Variants in SNX27 observed in about 807,000 individuals in gnomAD.
SNX27 encodes the protein sorting nexin 27.
SNX27 carries 22 observed loss-of-function variants against 71.6 expected under a neutral mutation model. The ratio of observed to expected loss-of-function variants is 0.31; its 90% CI spans 0.22 to 0.44. SNX27 has a LOEUF of 0.44. SNX27 is among the 20% of genes least tolerant of loss of function. The probability of loss-of-function intolerance (pLI) is 1.00; values close to 1 mark genes in which losing one functional copy is unlikely to be tolerated. For missense variants in SNX27, 531 were observed against 698.6 expected (o/e 0.76, Z 2.70); for synonymous variants, 269 against 277.2 (o/e 0.97, Z 0.29).
intron 1 of SNX27, among the ~76,000 whole-genome samples, chr1:151,620,749 G>A (rs1667634812): frequency 6.6e-6 from 1 of 150,652 alleles, no homozygotes; most frequent in African/African-American, 2.4e-5. Flanking sequence ...GAGAGCAGTG[G>A]CACGATCTCG....
At chr1:151,693,668 C>T (rs905902255) in intron 11 of SNX27, 185 bp downstream of exon 11, 34 of 1,612,316 alleles carry the variant, frequency 2.1e-5, no homozygotes, top group African/African-American at 1.1e-4. Context: ...GGATGGTGAA[C>T]GGGCTGTGCA....
chr1:151,670,331 G>A (rs1670407048), intron 7 of SNX27, among the ~76,000 whole-genome samples: 1 of 152,120 alleles, frequency 6.6e-6, no homozygotes, highest in African/African-American at 2.4e-5. Flanking sequence ...AATCTTGACT[G>A]TTGTGAACTG....
chr1:151,665,142 T>G (rs1046548093), intron 5 of SNX27, among the ~76,000 whole-genome samples: 63 of 152,214 alleles, frequency 4.1e-4, no homozygotes, highest in Non-Finnish European at 5.7e-4. Context: ...GATACCTTAC[T>G]TATATTGAGG....
chr1:151,676,508 A>G (rs933111325), intron 7 of SNX27: 25 of 151,172 alleles, frequency 1.7e-4, no homozygotes, highest in African/African-American at 5.4e-4. Flanking sequence ...GTTTTGCCAT[A>G]TCGGCCAGGC....
intron 7 of SNX27, chr1:151,677,763 T>C (rs774772708): frequency 2.6e-5 from 4 of 152,110 alleles, no homozygotes; most frequent in Non-Finnish European, 5.9e-5. Flanking sequence ...AATTGCTTTT[T>C]GAAGTATAAA....
chr1:151,653,256 G>A (rs576569662), intron 2 of SNX27, among the ~76,000 whole-genome samples: 1 of 149,948 alleles, frequency 6.7e-6, no homozygotes, highest in East Asian at 1.9e-4. Context: ...TTGTTTGTTT[G>A]TTTTCCATTT....
chr1:151,648,047 T>G (rs1366679039), intron 2 of SNX27, among the ~76,000 whole-genome samples: 1 of 151,822 alleles, frequency 6.6e-6, no homozygotes, highest in Non-Finnish European at 1.5e-5. Context: ...GGTTTTTTTG[T>G]TTTTTGTTTT....
At chr1:151,624,384 C>CT (rs1366684623) in intron 1 of SNX27, among the ~76,000 whole-genome samples, 26 of 135,654 alleles carry the variant, frequency 1.9e-4, no homozygotes, top group African/African-American at 4.7e-4. Flanking sequence ...AATAAATGAG[C>CT]TTTTTTTTTC....
At chr1:151,642,829 A>T (rs1668838697) in intron 2 of SNX27, among the ~76,000 whole-genome samples, 1 of 151,850 alleles carries the variant, frequency 6.6e-6, no homozygotes, top group African/African-American at 2.4e-5. Context: ...TTTAGTAGAG[A>T]CGGGGTTTCA....
intron 2 of SNX27, among the ~76,000 whole-genome samples, chr1:151,657,981 A>G (rs553913461): frequency 4.2e-4 from 64 of 152,320 alleles, no homozygotes; most frequent in African/African-American, 1.5e-3. Flanking sequence ...AGCCCGGGCA[A>G]CAGAGTGAGA....
At chr1:151,658,707 C>T (rs927902735) in intron 3 of SNX27, among the ~76,000 whole-genome samples, 19 of 151,524 alleles carry the variant, frequency 1.3e-4, no homozygotes, top group Admixed American at 2.0e-4. Flanking sequence ...TTTTTTTAGA[C>T]GGAGTCTCGC....
chr1:151,682,221 A>T (rs1671000371), intron 7 of SNX27, among the ~76,000 whole-genome samples: 1 of 152,252 alleles, frequency 6.6e-6, no homozygotes, highest in South Asian at 2.1e-4. Context: ...TAGTTATTCC[A>T]ATAAGTATAC....
intron 2 of SNX27, among the ~76,000 whole-genome samples, chr1:151,652,217 A>AGGGAGAGGGAGACCGTG (rs1669436062): frequency 4.6e-5 from 3 of 65,538 alleles, no homozygotes; most frequent in African/African-American, 1.9e-4. Flanking sequence ...GGAGAGGGAG[A>AGGGAGAGGGAGACCGTG]GGGAGAGGGA....
At chr1:151,629,457 A>G (rs1668098006) in intron 1 of SNX27, 2 of 82,622 alleles carry the variant, frequency 2.4e-5, no homozygotes, top group South Asian at 3.4e-4. Context: ...ACATGTATAT[A>G]TACGTATATA....
Position 151,641,331 on chromosome 1 carries a change from T to A in SNX27, c.543+2212T>A, listed in dbSNP as rs144271243. On this transcript the variant is annotated intron_variant, in intron 2 of 11. Coordinates refer to ENST00000458013, the MANE Select transcript of SNX27 (RefSeq NM_001330723.2). ...TTACATTATCATATGCAGTGGAGAGTTCCAGTGGTTCCATAACCTCTTGAT... is the reference window on the plus strand; with the variant it reads ...TTACATTATCATATGCAGTGGAGAGATCCAGTGGTTCCATAACCTCTTGAT... Among the ~76,000 whole-genome samples, 23 of 151,984 alleles carry A rather than the reference T, an allele frequency of 1.5e-4. No individual in the cohort carries two copies. The East Asian group carries it at 4.1e-3, about 27-fold the overall frequency.
chr1:151,672,443 T>G (rs960347442), intron 7 of SNX27, among the ~76,000 whole-genome samples: 3 of 152,140 alleles, frequency 2.0e-5, no homozygotes, highest in Non-Finnish European at 4.4e-5. Context: ...GGGATATTGG[T>G]CTGTAGTTTC....
Position 151,674,926 on chromosome 1 carries a change from T to C in SNX27, c.1149+6291T>C, listed in dbSNP as rs181352629. On this transcript the variant is annotated intron_variant, in intron 7 of 11. Coordinates refer to ENST00000458013, the MANE Select transcript of SNX27 (RefSeq NM_001330723.2). ...TGGTCTTGATCTCTTGACCTTGTGA[T>C]CTGCCCACCTCGGCCTCCCAAAGTG... Among the ~76,000 whole-genome samples, 437 of 151,290 alleles carry C rather than the reference T, an allele frequency of 2.9e-3. 8 individuals carry two copies. Among genetic ancestry groups the C allele is most frequent in the Admixed American group, 0.023 (343 of 15,224 alleles).
intron 7 of SNX27, chr1:151,679,068 A>G (rs1235324085): frequency 1.3e-5 from 2 of 152,162 alleles, no homozygotes; most frequent in Non-Finnish European, 1.5e-5. Context: ...GACTAAGTAA[A>G]CAACTGTATC....
At chr1:151,646,918 A>C (rs1432790548) in intron 2 of SNX27, among the ~76,000 whole-genome samples, 1 of 150,238 alleles carries the variant, frequency 6.7e-6, no homozygotes, top group East Asian at 2.0e-4. Context: ...AACACACACT[A>C]TATATATAAT....
Sources: allele counts gnomAD v4.1 joint callset (sites outside exome capture counted in the v4.1 genomes callset), GRCh38; gene constraint gnomAD v4.1.1; transcripts MANE v1.5; gene names NCBI Gene and HGNC (gene_info 2026-07-23, HGNC 2026-07-21).